Variants in C8A observed in about 807,000 individuals in gnomAD.
The protein encoded by C8A is complement C8 alpha chain.
Under a neutral mutation model 65.3 loss-of-function variants are expected in C8A, and 67 were observed. That is an observed-to-expected ratio of 1.03 (90% confidence interval 0.84 to 1.26). The LOEUF (loss-of-function observed/expected upper bound fraction) is 1.26. Ranked by LOEUF, C8A falls within the 50% of genes most tolerant of loss-of-function variation. The pLI, the probability that C8A is intolerant of heterozygous loss-of-function variation, is 0.00. For missense variants in C8A, 781 were observed against 723.9 expected, an observed-to-expected ratio of 1.08 and a Z score of -0.90; for synonymous variants, 290 against 259.4, an observed-to-expected ratio of 1.12 and a Z score of -1.13.
chr1:56,859,650 A>T (rs1001282761), intron 1 of C8A, among the ~76,000 whole-genome samples: 6 of 152,234 alleles, frequency 3.9e-5, no homozygotes, highest in Non-Finnish European at 8.8e-5. Flanking sequence ...CATTCATTCA[A>T]TAAATAAATA....
rs192823673 is a variant in C8A, at chr1:56,877,292, C to T, written c.464+1083C>T. Among the ~76,000 whole-genome samples the T allele has an allele frequency of 1.6e-3, 243 of 152,096 alleles. 1 individual carries two copies. Among genetic ancestry groups the T allele is most frequent in the Non-Finnish European group, 2.4e-3 (160 of 67,980 alleles). On this transcript the variant is annotated intron_variant, in intron 4 of 10. Coordinates refer to ENST00000361249, the MANE Select transcript of C8A (RefSeq NM_000562.3). ...TGGCAGCCCCTGCAGACTAGTACAC[C>T]GAGGTACCATCTCCCCTAGGTAGTC...
rs1440903710 is a variant in C8A, at chr1:56,892,275, A to C, written c.1096+6108A>C. Among the ~76,000 whole-genome samples, 8 of 152,174 alleles carry C rather than the reference A, an allele frequency of 5.3e-5. No individual in the cohort carries two copies. In the East Asian group the frequency reaches 1.6e-3, roughly 30 times the overall value. ...CCACCATCCTCCCAGTTTACTTGAC[A>C]TAGAGAGGTGGAAAAATAATTGACT... On this transcript the variant is annotated intron_variant, in intron 7 of 10. Transcript: ENST00000361249.
At position 56,867,612 on chromosome 1, in the gene C8A, A is replaced by G; in HGVS notation, c.81A>G (p.Arg27=). 6.2e-7 allele frequency: 1 copy of G among 1,612,440 alleles called. No homozygotes were observed. Among genetic ancestry groups the G allele is most frequent in the Non-Finnish European group, 8.5e-7 (1 of 1,178,704 alleles). ...CATGGATCTTCCCTTTCTTTAGGAG[A>G]GTAAGACGGGCAGCTACACCCGCAG... The part of the protein sequence containing the change: ...GVTAQEKVNQ[R]VRRAATPAAV... The change falls in exon 2 of 11, where the codon AGA becomes AGG. Residue 27 remains arginine, a synonymous_variant. Transcript: ENST00000361249.
chr1:56,912,336 G>T, intron 9 of C8A, 67 bp from the exon 10 acceptor site: 1 of 1,484,086 alleles, frequency 6.7e-7, no homozygotes, highest in Admixed American at 1.7e-5. Context: ...CTTGGTGGCC[G>T]GTTCTTGGGC....
At chr1:56,857,706 A>ATT (rs201354383) in intron 1 of C8A, among the ~76,000 whole-genome samples, 1 of 150,496 alleles carries the variant, frequency 6.6e-6, no homozygotes, top group African/African-American at 2.4e-5. Flanking sequence ...CCTTGTTTCT[A>ATT]TTTTTTTCTT....
chr1:56,868,634 G>A (rs1043300999), intron 2 of C8A, among the ~76,000 whole-genome samples: 2 of 151,852 alleles, frequency 1.3e-5, no homozygotes, highest in African/African-American at 2.4e-5. Context: ...AAATAAATAC[G>A]TAATAAAACA....
chr1:56,908,402 T>G (rs1239735477), intron 9 of C8A, among the ~76,000 whole-genome samples: 1 of 152,204 alleles, frequency 6.6e-6, no homozygotes, highest in Non-Finnish European at 1.5e-5. Context: ...TCATGATTTT[T>G]ATTTATACAT....
At chr1:56,867,521 G>T in intron 1 of C8A, 88 bp from the exon 2 acceptor site, 4 of 908,670 alleles carry the variant, frequency 4.4e-6, no homozygotes, top group Non-Finnish European at 7.3e-6. Context: ...TCCAAACCAT[G>T]TTTTACTGGA....
chr1:56,888,562 G>T (rs572065042), intron 7 of C8A, among the ~76,000 whole-genome samples: 2 of 151,980 alleles, frequency 1.3e-5, no homozygotes, highest in Admixed American at 1.3e-4. Flanking sequence ...TGGATTATAG[G>T]CACTAAAGAT....
chr1:56,865,882 T>C (rs1195719693), intron 1 of C8A, among the ~76,000 whole-genome samples: 1 of 152,188 alleles, frequency 6.6e-6, no homozygotes, highest in Non-Finnish European at 1.5e-5. Flanking sequence ...AGGCACATAC[T>C]CAGTGAACCA....
chr1:56,900,598 A>C (rs1644419299), intron 7 of C8A, among the ~76,000 whole-genome samples: 1 of 152,014 alleles, frequency 6.6e-6, no homozygotes, highest in Non-Finnish European at 1.5e-5. Context: ...TATTGTTCAG[A>C]GTCTCCAATG....
Position 56,908,131 on chromosome 1 carries a change from TGAA to T in C8A, c.1380+22_1380+24del. 6.2e-7 allele frequency: 1 copy of T among 1,612,986 alleles called. No individual in the cohort carries two copies. The highest frequency in any genetic ancestry group is 8.5e-7 in the Non-Finnish European group (1 of 1,179,008). On this transcript the variant is annotated intron_variant, in intron 9 of 10. Transcript: ENST00000361249. Reference sequence around the variant, plus strand: ...ATTTTGAGGTAAGTCTTTTCGCAGTTGAAGAAACTCTACGTCCATGAGGAATGA... The same window carrying T: ...ATTTTGAGGTAAGTCTTTTCGCAGTTGAAACTCTACGTCCATGAGGAATGA...
intron 7 of C8A, among the ~76,000 whole-genome samples, chr1:56,898,343 C>A (rs1644401125): frequency 6.6e-6 from 1 of 152,042 alleles, no homozygotes; most frequent in African/African-American, 2.4e-5. Context: ...GCAAGAGAGC[C>A]TCTGCGTCTG....
intron 7 of C8A, among the ~76,000 whole-genome samples, chr1:56,897,469 C>T (rs1644395284): frequency 6.6e-6 from 1 of 152,170 alleles, no homozygotes; most frequent in Non-Finnish European, 1.5e-5. Context: ...AAGATGCGGG[C>T]TCAGCCAGAA....
intron 7 of C8A, among the ~76,000 whole-genome samples, chr1:56,896,484 A>T (rs1644387930): frequency 6.6e-6 from 1 of 152,170 alleles, no homozygotes; most frequent in African/African-American, 2.4e-5. Context: ...CCAATGTTCC[A>T]GGTTGAAGAA....
At chr1:56,874,001 C>G (rs1303588099) in intron 2 of C8A, among the ~76,000 whole-genome samples, 3 of 152,144 alleles carry the variant, frequency 2.0e-5, no homozygotes, top group African/African-American at 4.8e-5. Context: ...TTCCTTCCTT[C>G]TGTCAAGTGT....
chr1:56,917,199 G>A (rs978193847), intron 10 of C8A, among the ~76,000 whole-genome samples: 2 of 152,202 alleles, frequency 1.3e-5, no homozygotes, highest in Non-Finnish European at 2.9e-5. Context: ...GAGCACAGAG[G>A]TCTTGGCTGG....
chr1:56,855,332 A>G (rs1056151216), intron 1 of C8A, among the ~76,000 whole-genome samples: 1 of 152,140 alleles, frequency 6.6e-6, no homozygotes, highest in Non-Finnish European at 1.5e-5. Context: ...CTCAGCTTAT[A>G]GTAGACACTT....
chr1:56,884,331 A>G (rs867865009), intron 6 of C8A, among the ~76,000 whole-genome samples: 7 of 152,130 alleles, frequency 4.6e-5, no homozygotes, highest in African/African-American at 1.7e-4. Flanking sequence ...CAGCTGAAGC[A>G]CAGGGTGGGA....
Sources: gnomAD v4.1 joint callset for allele counts (sites outside exome capture counted in the v4.1 genomes callset) on GRCh38, gnomAD v4.1.1 for gene constraint, MANE v1.5 for transcripts, NCBI Gene and HGNC (gene_info 2026-07-23, HGNC 2026-07-21) for gene names.